ESRRB: variants seen among roughly 807,000 people sequenced by gnomAD.
ESRRB encodes estrogen related receptor beta, also known as steroid hormone receptor ERR2.
A neutral mutation model predicts 46.0 loss-of-function variants in ESRRB; 16 were observed. That is an observed-to-expected ratio of 0.35 (90% CI 0.24 to 0.53). The LOEUF (loss-of-function observed/expected upper bound fraction) is 0.53, where lower values mean the gene tolerates loss of function less well. Ranked by LOEUF, ESRRB falls within the 20% of genes least tolerant of loss-of-function variation. The probability of loss-of-function intolerance (pLI) is 0.93; values close to 1 mark genes in which losing one functional copy is unlikely to be tolerated. For missense variants in ESRRB, 488 were observed against 607.4 expected, an observed-to-expected ratio of 0.80 and a Z score of 2.07; for synonymous variants, 246 against 259.6, an observed-to-expected ratio of 0.95 and a Z score of 0.50.
At chr14:76,390,226 C>T (rs538265638) in intron 1 of ESRRB, among the ~76,000 whole-genome samples, 8 of 152,186 alleles carry the variant, frequency 5.3e-5, no homozygotes, top group African/African-American at 1.4e-4. Flanking sequence ...CGGTGGCTCA[C>T]GCCTGTAATC....
At chr14:76,406,590 A>G (rs750557092) in intron 1 of ESRRB, among the ~76,000 whole-genome samples, 33 of 152,246 alleles carry the variant, frequency 2.2e-4, no homozygotes, top group Admixed American at 1.6e-3. Context: ...CTAAAAATAC[A>G]AAAAACTAGC....
chr14:76,333,090 T>A (rs1450586934), intron 1 of ESRRB, among the ~76,000 whole-genome samples: 215 of 7,142 alleles, frequency 0.03, 48 homozygotes, highest in Non-Finnish European at 0.043. Context: ...TTATTTATAT[T>A]ATATATTATA....
chr14:76,447,243 C>CTCCTTCCTTCCT (rs11272399), intron 2 of ESRRB, among the ~76,000 whole-genome samples: 1,875 of 133,310 alleles, frequency 0.014, 24 homozygotes, highest in Middle Eastern at 0.033. Context: ...TTTCTAAAGT[C>CTCCTTCCTTCCT]TCCTTCCTTC....
intron 1 of ESRRB, among the ~76,000 whole-genome samples, chr14:76,331,789 G>T (rs1290261819): frequency 6.6e-6 from 1 of 151,578 alleles, no homozygotes; most frequent in African/African-American, 2.4e-5. Flanking sequence ...GAGGCCCTGT[G>T]GCAGCATTCT....
At chr14:76,418,460 T>C (rs1886803515) in intron 1 of ESRRB, among the ~76,000 whole-genome samples, 1 of 152,198 alleles carries the variant, frequency 6.6e-6, no homozygotes, top group Admixed American at 6.5e-5. Flanking sequence ...TATTGAGATT[T>C]CATTTATTTT....
At chr14:76,435,249 G>T (rs1171237164) in intron 1 of ESRRB, among the ~76,000 whole-genome samples, 2 of 152,210 alleles carry the variant, frequency 1.3e-5, no homozygotes, top group Non-Finnish European at 2.9e-5. Flanking sequence ...CCCTCTGGGG[G>T]TCTTCATATA....
chr14:76,423,004 T>C (rs562654115), intron 1 of ESRRB, among the ~76,000 whole-genome samples: 47 of 152,200 alleles, frequency 3.1e-4, no homozygotes, highest in Non-Finnish European at 5.9e-4. Context: ...TTTTAGCATT[T>C]TGAAAGCAGA....
At chr14:76,356,274 T>C (rs540658331) in intron 1 of ESRRB, among the ~76,000 whole-genome samples, 1 of 152,324 alleles carries the variant, frequency 6.6e-6, no homozygotes, top group East Asian at 1.9e-4. Flanking sequence ...CAGCAAAGCA[T>C]TGACTCCTAC....
chr14:76,489,825 G>A (rs971332514), intron 5 of ESRRB, among the ~76,000 whole-genome samples: 1 of 152,134 alleles, frequency 6.6e-6, no homozygotes, highest in Non-Finnish European at 1.5e-5. Context: ...GAGCTGGGTG[G>A]TCCAGAAGCT....
chr14:76,448,299 T>G (rs1287874667), intron 2 of ESRRB, among the ~76,000 whole-genome samples: 2 of 150,250 alleles, frequency 1.3e-5, no homozygotes, highest in Non-Finnish European at 3.0e-5. Flanking sequence ...GAGTACAAGC[T>G]CCTAAGGCAC....
chr14:76,415,505 C>A (rs1016713616), intron 1 of ESRRB, among the ~76,000 whole-genome samples: 2 of 151,376 alleles, frequency 1.3e-5, no homozygotes, highest in Non-Finnish European at 2.9e-5. Flanking sequence ...ACTAAAAATA[C>A]AAAAATTAGC....
At chr14:76,443,106 G>A (rs1192699906) in intron 2 of ESRRB, among the ~76,000 whole-genome samples, 1 of 151,878 alleles carries the variant, frequency 6.6e-6, no homozygotes, top group Admixed American at 6.6e-5. Context: ...ATGAGCCACC[G>A]CGCCCGGTCA....
chr14:76,496,860 T>A (rs1890452345), intron 6 of ESRRB, among the ~76,000 whole-genome samples: 1 of 152,158 alleles, frequency 6.6e-6, no homozygotes, highest in African/African-American at 2.4e-5. Context: ...TGGCTGCGGT[T>A]TACCCCACAT....
intron 1 of ESRRB, among the ~76,000 whole-genome samples, chr14:76,418,314 G>T (rs1004249316): frequency 6.6e-6 from 1 of 152,022 alleles, no homozygotes; most frequent in Non-Finnish European, 1.5e-5. Context: ...CAGAAAAATT[G>T]CCAAGATAGT....
intron 5 of ESRRB, among the ~76,000 whole-genome samples, chr14:76,487,609 T>C (rs1890069281): frequency 6.6e-6 from 1 of 152,172 alleles, no homozygotes; most frequent in Non-Finnish European, 1.5e-5. Context: ...TAAATTTCTT[T>C]TTTTTTCTTT....
At chr14:76,475,419 C>T (rs531301566) in intron 3 of ESRRB, among the ~76,000 whole-genome samples, 2 of 151,398 alleles carry the variant, frequency 1.3e-5, no homozygotes, top group Non-Finnish European at 2.9e-5. Context: ...TAATATTTGT[C>T]CTTTGGTGTC....
At chr14:76,467,894 G>A (rs1566602503) in intron 3 of ESRRB, among the ~76,000 whole-genome samples, 1 of 151,968 alleles carries the variant, frequency 6.6e-6, no homozygotes, top group Non-Finnish European at 1.5e-5. Flanking sequence ...TCACGCGACC[G>A]GCCTCCCAAG....
At chr14:76,479,669 G>A (rs1889728780) in intron 3 of ESRRB, among the ~76,000 whole-genome samples, 1 of 152,150 alleles carries the variant, frequency 6.6e-6, no homozygotes, top group Non-Finnish European at 1.5e-5. Context: ...CTGGGGAGGC[G>A]CTGCTGGTCT....
chr14:76,397,800 T>G (rs1163768679), intron 1 of ESRRB, among the ~76,000 whole-genome samples: 1 of 152,174 alleles, frequency 6.6e-6, no homozygotes, highest in African/African-American at 2.4e-5. Flanking sequence ...AGGGGGCTTC[T>G]GAATAACCTC....
Sources: gnomAD v4.1 joint callset for allele counts (sites outside exome capture counted in the v4.1 genomes callset) on GRCh38, gnomAD v4.1.1 for gene constraint, MANE v1.5 for transcripts, NCBI Gene and HGNC (gene_info 2026-07-23, HGNC 2026-07-21) for gene names.